CCDC90B: variants seen among roughly 807,000 people sequenced by gnomAD.
The protein encoded by CCDC90B is coiled-coil domain-containing protein 90B, mitochondrial.
A neutral mutation model predicts 37.0 loss-of-function variants in CCDC90B; 24 were observed. The ratio of observed to expected loss-of-function variants is 0.65; its 90% CI spans 0.47 to 0.91. CCDC90B has a LOEUF of 0.91. Ranked by LOEUF, CCDC90B falls within the 40% of genes least tolerant of loss-of-function variation. The probability of loss-of-function intolerance (pLI) is 0.00; values close to 1 mark genes in which losing one functional copy is unlikely to be tolerated. For missense variants in CCDC90B, 319 were observed against 299.0 expected (o/e 1.07, Z -0.49); for synonymous variants, 113 against 101.1 (o/e 1.12, Z -0.71).
In CCDC90B at chr11:83,286,198, AG is replaced by A. The variant is rs1473498307; in HGVS notation, c.-227del. Reference sequence around the variant, plus strand: ...GGCTCAGCGCTGCCCCGCTTCTCCCAGCGCCCCTTCCCGACCTTTGAACGCC... The same window carrying A: ...GGCTCAGCGCTGCCCCGCTTCTCCCACGCCCCTTCCCGACCTTTGAACGCC... On this transcript the variant is annotated 5_prime_UTR_variant, in exon 1 of 9. Coordinates refer to ENST00000529689, the MANE Select transcript of CCDC90B (RefSeq NM_021825.5). 8 of 1,533,028 alleles carry A rather than the reference AG, an allele frequency of 5.2e-6. No homozygotes were observed. The highest frequency in any genetic ancestry group is 6.1e-6 in the Non-Finnish European group (7 of 1,144,640). The allele number at this position is 1,533,028 out of a possible 1,614,324, so 95.0% of individuals were successfully genotyped here. A position where few individuals can be genotyped will look rare whatever the true frequency, so the allele number is the denominator to read the frequency against.
intron 1 of CCDC90B, among the ~76,000 whole-genome samples, chr11:83,283,918 C>T (rs965584009): frequency 2.0e-5 from 3 of 151,928 alleles, no homozygotes; most frequent in South Asian, 2.1e-4. Flanking sequence ...GCCGAGATGG[C>T]GCCAAGGCAC....
rs1410427616 is a variant in CCDC90B, at chr11:83,286,050, G to C, written c.-78C>G. 1 of 1,547,990 alleles carries C rather than the reference G, an allele frequency of 6.5e-7. No individual in the cohort carries two copies. The highest frequency in any genetic ancestry group is 2.4e-5 in the East Asian group (1 of 41,128). ...CAGGCTTTCGGGCAAGGTAGTTCTG[G>C]CACCACAGGAATGCTGGGAATTGTA... On this transcript the variant is annotated 5_prime_UTR_variant, in exon 1 of 9. Coordinates refer to ENST00000529689, the MANE Select transcript of CCDC90B (RefSeq NM_021825.5).
intron 7 of CCDC90B, 50 bp downstream of exon 7, chr11:83,273,597 T>C (rs200843474): frequency 2.9e-6 from 4 of 1,386,124 alleles, no homozygotes; most frequent in Admixed American, 4.5e-5. Flanking sequence ...AAAGCAGTTA[T>C]ACAAGGCACA....
chr11:83,278,108 T>G (rs1244154395), intron 3 of CCDC90B, among the ~76,000 whole-genome samples: 1 of 152,228 alleles, frequency 6.6e-6, no homozygotes, highest in Non-Finnish European at 1.5e-5. Flanking sequence ...TGAAAACTCT[T>G]GCAAACTACT....
At chr11:83,262,760 T>TA (rs1864000610) in intron 8 of CCDC90B, among the ~76,000 whole-genome samples, 1 of 152,232 alleles carries the variant, frequency 6.6e-6, no homozygotes, top group Non-Finnish European at 1.5e-5. Flanking sequence ...TCCTACTACT[T>TA]ACTGAAACTT....
At chr11:83,264,795 C>T (rs1431427535) in intron 8 of CCDC90B, among the ~76,000 whole-genome samples, 2 of 151,840 alleles carry the variant, frequency 1.3e-5, no homozygotes, top group African/African-American at 4.8e-5. Flanking sequence ...ATGATGAGTT[C>T]ATGTCCTTTG....
intron 1 of CCDC90B, chr11:83,285,662 G>C (rs892410967): frequency 7.1e-7 from 1 of 1,402,596 alleles, no homozygotes; most frequent in African/African-American, 1.5e-5. Context: ...TTCGCTTTAA[G>C]AACAGAAAGG....
chr11:83,273,182 T>C (rs937282586), intron 7 of CCDC90B: 1 of 152,130 alleles, frequency 6.6e-6, no homozygotes, highest in African/African-American at 2.4e-5. Context: ...TAACTGAACC[T>C]AGGCACTCAT....
At chr11:83,276,702 C>T (rs531452384) in intron 3 of CCDC90B, among the ~76,000 whole-genome samples, 1 of 152,262 alleles carries the variant, frequency 6.6e-6, no homozygotes, top group South Asian at 2.1e-4. Flanking sequence ...TAAATACAGA[C>T]TCAAAAAGCC....
intron 7 of CCDC90B, among the ~76,000 whole-genome samples, chr11:83,270,785 T>C (rs1864606664): frequency 6.6e-6 from 1 of 152,188 alleles, no homozygotes; most frequent in Admixed American, 6.5e-5. Flanking sequence ...TTAAAGTTCA[T>C]ATGGAACCAA....
rs1355666057 is a variant in CCDC90B at position 83,286,292 on chromosome 11, A to G, written c.-320T>C. On this transcript the variant is annotated 5_prime_UTR_variant, in exon 1 of 9. It removes an upstream start codon present in the reference 5' UTR. Coordinates refer to ENST00000529689, the MANE Select transcript of CCDC90B (RefSeq NM_021825.5). ...GGCGCCTGTTTCCTGGCAGTGGGGC[A>G]TAGTCCAACAGCTGGCTCCCCCAAG... 6 of 1,117,806 alleles carry G rather than the reference A, an allele frequency of 5.4e-6. No individual in the cohort carries two copies. Among genetic ancestry groups the G allele is most frequent in the African/African-American group, 4.7e-5 (3 of 64,362 alleles). The allele number at this position is 1,117,806 out of a possible 1,614,324, so 69.2% of individuals were successfully genotyped here.
At chr11:83,275,036 G>T (rs909230644) in intron 3 of CCDC90B, among the ~76,000 whole-genome samples, 1 of 151,968 alleles carries the variant, frequency 6.6e-6, no homozygotes, top group African/African-American at 2.4e-5. Context: ...ATAATGTTTT[G>T]TTCTTATTTT....
intron 3 of CCDC90B, among the ~76,000 whole-genome samples, chr11:83,276,764 C>T (rs1311981855): frequency 6.6e-6 from 1 of 152,196 alleles, no homozygotes; most frequent in East Asian, 1.9e-4. Flanking sequence ...TACACATAAT[C>T]CATTGTTAAG....
At chr11:83,267,493 A>G (rs1864358472) in intron 7 of CCDC90B, 1 of 152,206 alleles carries the variant, frequency 6.6e-6, no homozygotes, top group African/African-American at 2.4e-5. Flanking sequence ...AGCTGATACA[A>G]TCAAGTGGAA....
intron 7 of CCDC90B, among the ~76,000 whole-genome samples, chr11:83,269,270 T>A (rs977804289): frequency 3.9e-4 from 60 of 152,082 alleles, no homozygotes; most frequent in African/African-American, 1.4e-3. Flanking sequence ...CTGCTGCTTC[T>A]TATCTCTTTC....
rs534733466 is a variant in CCDC90B, at chr11:83,279,422, T to C, written c.221-593A>G. On this transcript the variant is annotated intron_variant, in intron 2 of 8. Coordinates refer to ENST00000529689, the MANE Select transcript of CCDC90B (RefSeq NM_021825.5). ...GGCATAAAAAATTGTATTGCATTGTTATTTTAATGTTACTTAAATTTGCAT... is the reference window on the plus strand; with the variant it reads ...GGCATAAAAAATTGTATTGCATTGTCATTTTAATGTTACTTAAATTTGCAT... Among the ~76,000 whole-genome samples, 5 of 152,378 alleles carry C rather than the reference T, an allele frequency of 3.3e-5. No individual in the cohort carries two copies. The East Asian group carries it at 9.6e-4, about 29-fold the overall frequency.
Position 83,286,083 on chromosome 11 carries a change from C to T in CCDC90B, c.-111G>A. The T allele has an allele frequency of 6.5e-7, 1 of 1,538,328 alleles. No individual in the cohort carries two copies. Among genetic ancestry groups the T allele is most frequent in the East Asian group, 2.4e-5 (1 of 40,920 alleles). On this transcript the variant is annotated 5_prime_UTR_variant, in exon 1 of 9. Transcript: ENST00000529689. ...GGAATGCTGGGAATTGTAGTTTTCG[C>T]TCTGTCACAAGCTCACCTCCCAGCG...
chr11:83,269,324 TAA>T (rs1012166662), intron 7 of CCDC90B, among the ~76,000 whole-genome samples: 8 of 150,846 alleles, frequency 5.3e-5, no homozygotes, highest in Middle Eastern at 3.4e-3. Context: ...AAAAAAGAGA[TAA>T]GAGACACAAC....
In CCDC90B at chr11:83,274,692, C is replaced by T. The variant is rs1864917585; in HGVS notation, c.373G>A (p.Asp125Asn). ...LMAHLDAIRK[D>N]MVILEKSEFA... The stretch of plus-strand genomic sequence containing the variant: ...TCACTTTTCTCTAGGATGACCATGT[C>T]TTTCCTGATAGCATCCAAATGAGCC... Residue 125 changes from aspartate to asparagine, a missense_variant, in exon 4 of 9, where the codon GAC becomes AAC. Asp to Asn is a conservative substitution (Grantham distance 23, BLOSUM62 1). Transcript: ENST00000529689. 6.2e-7 allele frequency: 1 copy of T among 1,610,592 alleles called. No individual in the cohort carries two copies. Among genetic ancestry groups the T allele is most frequent in the Non-Finnish European group, 8.5e-7 (1 of 1,178,200 alleles).
Sources: gnomAD v4.1 joint callset for allele counts (sites outside exome capture counted in the v4.1 genomes callset) on GRCh38, gnomAD v4.1.1 for gene constraint, MANE v1.5 for transcripts, NCBI Gene and HGNC (gene_info 2026-07-23, HGNC 2026-07-21) for gene names.